The following KDM4C variants were observed in gnomAD, a reference collection of about 807,000 sequenced individuals.
KDM4C encodes the protein lysine-specific demethylase 4C.
Under a neutral mutation model 129.3 loss-of-function variants are expected in KDM4C, and 81 were observed. That is an observed-to-expected ratio of 0.63 (90% CI 0.52 to 0.75). The LOEUF (loss-of-function observed/expected upper bound fraction) is 0.75, where lower values mean the gene tolerates loss of function less well. Among genes scored for constraint, KDM4C ranks in the 30% least tolerant of loss-of-function variants. The probability of loss-of-function intolerance (pLI) is 0.00; values close to 1 mark genes in which losing one functional copy is unlikely to be tolerated. For synonymous variants in KDM4C, 573 were observed against 456.1 expected, an observed-to-expected ratio of 1.26 and a Z score of -3.26; for missense variants, 1,457 against 1,304.0, an observed-to-expected ratio of 1.12 and a Z score of -1.81.
At chr9:7,168,474 C>G (rs1844628211) in intron 20 of KDM4C, among the ~76,000 whole-genome samples, 1 of 152,096 alleles carries the variant, frequency 6.6e-6, no homozygotes, top group South Asian at 2.1e-4. Context: ...CCTAGGTGCT[C>G]TAGGTTTCTG....
chr9:7,013,986 G>A lies in KDM4C; in HGVS notation c.2167G>A (p.Val723Ile), dbSNP rs142903318. ...SLLISCAKCC[V>I]RVHASCYGIP... is the part of the protein sequence containing the mutation. Reference sequence around the variant, plus strand: ...CCTTATTTCCTGTGCAAAGTGCTGCGTACGGGTTCATGCAAGTAAATGGAT... The same window carrying A: ...CCTTATTTCCTGTGCAAAGTGCTGCATACGGGTTCATGCAAGTAAATGGAT... Residue 723 changes from valine to isoleucine, a missense_variant, in exon 14 of 22, where the codon GTA (valine) becomes ATA (isoleucine). Coordinates refer to ENST00000381309, the MANE Select transcript of KDM4C (RefSeq NM_015061.6). The A allele has an allele frequency of 6.8e-5, 110 of 1,612,770 alleles. No homozygotes were observed. The East Asian group carries it at 6.9e-4, about 10-fold the overall frequency.
chr9:6,862,448 C>G (rs1451410021), intron 5 of KDM4C, among the ~76,000 whole-genome samples: 1 of 152,054 alleles, frequency 6.6e-6, no homozygotes, highest in Non-Finnish European at 1.5e-5. Flanking sequence ...TTTTGAAAGC[C>G]TCTTAATTCT....
chr9:7,089,973 A>G (rs1490011886), intron 17 of KDM4C, among the ~76,000 whole-genome samples: 3 of 152,234 alleles, frequency 2.0e-5, no homozygotes, highest in African/African-American at 7.2e-5. Context: ...CTGCCTGCCC[A>G]TGCCAGTGCA....
chr9:6,919,573 A>G (rs1821083447), intron 8 of KDM4C, among the ~76,000 whole-genome samples: 1 of 150,130 alleles, frequency 6.7e-6, no homozygotes, highest in African/African-American at 2.5e-5. Context: ...CTATCTATCT[A>G]TCTATCTATC....
In KDM4C at chr9:6,886,418, A is replaced by T. The variant is rs1276314076; in HGVS notation, c.680-1542A>T. Among the ~76,000 whole-genome samples, 36 of 150,682 alleles carry T rather than the reference A, an allele frequency of 2.4e-4. 2 individuals are homozygous for T. On this transcript the variant is annotated intron_variant, in intron 6 of 21. Transcript: ENST00000381309. Reference sequence around the variant, plus strand: ...ACCCTTGCCTCCTGGGTTCAAGTGAATCTCATGCCTTAGCCTCCTGAGCAG... The same window carrying T: ...ACCCTTGCCTCCTGGGTTCAAGTGATTCTCATGCCTTAGCCTCCTGAGCAG...
intron 21 of KDM4C, among the ~76,000 whole-genome samples, chr9:7,173,180 T>C (rs1434349817): frequency 2.6e-5 from 4 of 152,252 alleles, no homozygotes; most frequent in Admixed American, 1.3e-4. Flanking sequence ...GCCCTCCTCT[T>C]ACTGAGTGGA....
intron 15 of KDM4C, among the ~76,000 whole-genome samples, chr9:7,034,744 A>C (rs556511940): frequency 8.8e-4 from 134 of 152,282 alleles, no homozygotes; most frequent in African/African-American, 3.1e-3. Context: ...TTTTTTGAAG[A>C]AACTTCATAT....
intron 3 of KDM4C, among the ~76,000 whole-genome samples, chr9:6,813,476 C>T (rs1376784159): frequency 6.6e-6 from 1 of 152,198 alleles, no homozygotes; most frequent in Non-Finnish European, 1.5e-5. Context: ...TCTTGTTACA[C>T]AGATAACTAG....
intron 4 of KDM4C, chr9:6,815,154 C>G (rs1327458064): frequency 1.3e-5 from 2 of 151,886 alleles, no homozygotes. Context: ...TTTGAACAGG[C>G]TTATATTGTC....
chr9:6,783,025 C>A (rs12002710), intron 1 of KDM4C, among the ~76,000 whole-genome samples: 41,656 of 151,956 alleles, frequency 0.27, 6,195 homozygotes, highest in African/African-American at 0.35. Flanking sequence ...TGGGAAGGCT[C>A]TTGGGATTCT....
chr9:6,924,917 T>A, intron 8 of KDM4C: 6 of 984,788 alleles, frequency 6.1e-6, no homozygotes, highest in Non-Finnish European at 7.2e-6. Context: ...AGTACAGCCT[T>A]TAGTTCTAAT....
chr9:6,734,874 A>G (rs1249149717), intron 1 of KDM4C: 3 of 551,344 alleles, frequency 5.4e-6, no homozygotes, highest in Non-Finnish European at 7.2e-6. Flanking sequence ...TCTTGCACCA[A>G]TAAGAGACTT....
At chr9:6,836,375 A>T (rs565020192) in intron 4 of KDM4C, among the ~76,000 whole-genome samples, 27 of 152,240 alleles carry the variant, frequency 1.8e-4, no homozygotes, top group Non-Finnish European at 3.7e-4. Context: ...CTGTCTCAAA[A>T]AAATAAATAA....
chr9:6,999,976 T>G (rs1258011262), intron 12 of KDM4C, among the ~76,000 whole-genome samples: 3 of 152,250 alleles, frequency 2.0e-5, no homozygotes, highest in Non-Finnish European at 4.4e-5. Context: ...TTCTGTCTGT[T>G]TAAGCAATAA....
intron 19 of KDM4C, among the ~76,000 whole-genome samples, chr9:7,138,366 C>G (rs10976063): frequency 0.28 from 43,307 of 152,124 alleles, 6,278 homozygotes; most frequent in Middle Eastern, 0.38. Context: ...GATGTTTTAT[C>G]CAATACCATT....
chr9:6,920,727 A>C (rs758539991), intron 8 of KDM4C, among the ~76,000 whole-genome samples: 1 of 152,148 alleles, frequency 6.6e-6, no homozygotes, highest in Non-Finnish European at 1.5e-5. Flanking sequence ...AAGGGTCTGA[A>C]GGTGTGCTTA....
At chr9:6,767,813 A>G (rs1228767613) in intron 1 of KDM4C, among the ~76,000 whole-genome samples, 4 of 152,180 alleles carry the variant, frequency 2.6e-5, no homozygotes, top group Non-Finnish European at 4.4e-5. Flanking sequence ...ATTTGGGCAC[A>G]TAAAGTGATA....
chr9:6,741,227 C>G (rs912228545), intron 1 of KDM4C, among the ~76,000 whole-genome samples: 1 of 151,526 alleles, frequency 6.6e-6, no homozygotes, highest in African/African-American at 2.4e-5. Context: ...GAAAACCCAT[C>G]TCTACTAAAA....
intron 3 of KDM4C, among the ~76,000 whole-genome samples, chr9:6,808,690 TAAAAAA>T (rs908471656): frequency 1.6e-5 from 1 of 63,848 alleles, no homozygotes; most frequent in Non-Finnish European, 3.4e-5. Flanking sequence ...GAATTATCAA[TAAAAAA>T]AAAAAAAAAA....
Sources: allele counts gnomAD v4.1 joint callset (sites outside exome capture counted in the v4.1 genomes callset), GRCh38; gene constraint gnomAD v4.1.1; transcripts MANE v1.5; gene names NCBI Gene and HGNC (gene_info 2026-07-23, HGNC 2026-07-21).